Variants in CHCT1 observed in about 807,000 individuals in gnomAD.
The protein encoded by CHCT1 is CHD1 helical C-terminal domain containing 1, also known as CHD1 helical C-terminal domain containing protein 1.
At chr17:60,426,966 T>C in the CHCT1 span, 3 of 1,427,892 alleles carry the variant, frequency 2.1e-6, no homozygotes, top group East Asian at 2.5e-5. Flanking sequence ...GCTTGACCTT[T>C]ACCCCTGCCC....
chr17:60,430,371 A>C, the CHCT1 span, among the ~76,000 whole-genome samples: 10 of 152,234 alleles, frequency 6.6e-5, no homozygotes, highest in African/African-American at 1.7e-4. Flanking sequence ...AGAATATCTC[A>C]TGGACCCACC....
At chr17:60,427,023 A>G in the CHCT1 span, among the ~76,000 whole-genome samples, 99 of 152,290 alleles carry the variant, frequency 6.5e-4, no homozygotes, top group Non-Finnish European at 1.0e-3. Context: ...CAAGTTCTCC[A>G]TATATATTTG....
At chr17:60,421,535 TC>T in the CHCT1 span, 1 of 985,094 alleles carries the variant, frequency 1.0e-6, no homozygotes, top group Non-Finnish European at 1.2e-6. Context: ...CGAAGGAAGG[TC>T]CGGGAGAAGG....
chr17:60,425,669 G>C, the CHCT1 span: 1 of 711,464 alleles, frequency 1.4e-6, no homozygotes, highest in South Asian at 1.7e-5. Context: ...GGGTCAAGAA[G>C]GTCTGAGGGC....
chr17:60,428,485 A>ATT, the CHCT1 span, among the ~76,000 whole-genome samples: 11 of 134,418 alleles, frequency 8.2e-5, no homozygotes, highest in Admixed American at 1.5e-4. Context: ...ATTGGCCTGA[A>ATT]TTTTTTTTTT....
At chr17:60,430,023 C>T in the CHCT1 span, among the ~76,000 whole-genome samples, 105 of 151,248 alleles carry the variant, frequency 6.9e-4, no homozygotes, top group African/African-American at 2.3e-3. Context: ...CAGGGTTTCA[C>T]GGTGTTGCCC....
chr17:60,424,952 C>T, the CHCT1 span, among the ~76,000 whole-genome samples: 2 of 152,104 alleles, frequency 1.3e-5, no homozygotes, highest in African/African-American at 2.4e-5. Flanking sequence ...TGAAGCATTG[C>T]GTTTTCTCTT....
chr17:60,429,677 C>T, the CHCT1 span: 1 of 853,498 alleles, frequency 1.2e-6, no homozygotes, highest in Non-Finnish European at 1.8e-6. Flanking sequence ...TGACAAGCTC[C>T]TCTTCCCTCC....
At chr17:60,422,713 T>C in the CHCT1 span, 2 of 1,439,576 alleles carry the variant, frequency 1.4e-6, no homozygotes, top group Admixed American at 2.6e-5. Flanking sequence ...GTAGAGAACA[T>C]GAAATTCAGG....
the CHCT1 span, among the ~76,000 whole-genome samples, chr17:60,427,960 T>C: frequency 1.3e-5 from 2 of 152,144 alleles, no homozygotes; most frequent in African/African-American, 4.8e-5. Flanking sequence ...CAGATTCGTA[T>C]CAGTGAAATT....
the CHCT1 span, chr17:60,422,668 G>A: frequency 6.5e-7 from 1 of 1,533,766 alleles, no homozygotes. Context: ...GAGGGAGGGA[G>A]GGAAGGAGGG....
chr17:60,429,346 G>A, the CHCT1 span: 6 of 1,608,972 alleles, frequency 3.7e-6, no homozygotes, highest in South Asian at 2.2e-5. Context: ...TCCTTAACAC[G>A]GAGGCTCCAT....
the CHCT1 span, chr17:60,427,001 G>A: frequency 7.0e-6 from 5 of 711,468 alleles, no homozygotes; most frequent in Non-Finnish European, 6.9e-6. Flanking sequence ...TGAAGAGGCC[G>A]AGGCTCAGCA....
the CHCT1 span, chr17:60,431,354 C>G: frequency 1.1e-6 from 1 of 896,488 alleles, no homozygotes; most frequent in Non-Finnish European, 1.7e-6. Context: ...TTGTCCTTAT[C>G]AAAAAGATTC....
the CHCT1 span, chr17:60,421,626 C>T: frequency 1.0e-6 from 1 of 973,866 alleles, no homozygotes; most frequent in Non-Finnish European, 1.2e-6. Context: ...CGGGACCCCG[C>T]CGTGTGCCGC....
At chr17:60,426,963 C>A in the CHCT1 span, 3 of 1,437,654 alleles carry the variant, frequency 2.1e-6, no homozygotes, top group Non-Finnish European at 2.8e-6. Context: ...GCTGCTTGAC[C>A]TTTACCCCTG....
the CHCT1 span, chr17:60,429,387 C>A: frequency 3.1e-6 from 5 of 1,613,886 alleles, no homozygotes; most frequent in Non-Finnish European, 3.4e-6. Flanking sequence ...TCGGATGCGC[C>A]GGAGAGGTCC....
chr17:60,423,113 G>A, the CHCT1 span, among the ~76,000 whole-genome samples: 76 of 152,304 alleles, frequency 5.0e-4, no homozygotes, highest in Non-Finnish European at 9.4e-4. Flanking sequence ...TGAAAGGTGA[G>A]GGGCAAATCC....
chr17:60,424,197 T>G, the CHCT1 span, among the ~76,000 whole-genome samples: 1 of 152,130 alleles, frequency 6.6e-6, no homozygotes, highest in African/African-American at 2.4e-5. Context: ...ACACCTCCCA[T>G]CAGACCCTGC....
Sources: allele counts gnomAD v4.1 joint callset (sites outside exome capture counted in the v4.1 genomes callset), GRCh38; gene constraint gnomAD v4.1.1; transcripts MANE v1.5; gene names NCBI Gene and HGNC (gene_info 2026-07-23, HGNC 2026-07-21).